The following BHLHE41 variants were observed in gnomAD, a reference collection of about 807,000 sequenced individuals.
BHLHE41 encodes the protein class E basic helix-loop-helix protein 41.
A neutral mutation model predicts 24.0 loss-of-function variants in BHLHE41; 14 were observed. The observed-to-expected ratio is 0.58, with a 90% confidence interval of 0.39 to 0.91. The LOEUF is 0.91. BHLHE41 is among the 40% of genes least tolerant of loss of function. The pLI is 0.00. For synonymous variants in BHLHE41, 394 were observed against 315.5 expected (o/e 1.25, Z -2.64); for missense variants, 674 against 655.4 (o/e 1.03, Z -0.31).
Position 26,124,994 on chromosome 12 carries a change from G to C in BHLHE41, c.-215C>G. The C allele has an allele frequency of 1.6e-6, 1 of 635,904 alleles. No individual in the cohort carries two copies. The highest frequency in any genetic ancestry group is 2.9e-6 in the Non-Finnish European group (1 of 350,784). 39.4% of individuals were successfully genotyped at this position (635,904 alleles called of 1,614,324 possible). A position where few individuals can be genotyped will look rare whatever the true frequency, so the allele number is the denominator to read the frequency against. The stretch of plus-strand genomic sequence containing the variant: ...CGCACACACACGCACACTCGCGCCG[G>C]CCCCACTGCGCTGGTAGTTTGCTCT... On this transcript the variant is annotated 5_prime_UTR_variant, in exon 1 of 5. Transcript: ENST00000242728.
At position 26,124,944 on chromosome 12, in the gene BHLHE41, C is replaced by G. The variant is rs1252779995; in HGVS notation, c.-165G>C. On this transcript the variant is annotated 5_prime_UTR_variant, in exon 1 of 5. Coordinates refer to ENST00000242728, the MANE Select transcript of BHLHE41 (RefSeq NM_030762.3). ...AAAGTGTGAAGCAGTTGGTCCCCCC[C>G]CTCCACCGCGCTCGCACACACACAC... 1.2e-5 allele frequency: 9 copies of G among 733,600 alleles called. No homozygotes were observed. Among genetic ancestry groups the G allele is most frequent in the Admixed American group, 2.0e-5 (1 of 50,390 alleles). 45.4% of individuals were successfully genotyped at this position (733,600 alleles called of 1,614,324 possible).
Position 26,124,060 on chromosome 12 carries a change from T to C in BHLHE41, c.234+12A>G, listed in dbSNP as rs750255371. 2.6e-6 allele frequency: 4 copies of C among 1,547,364 alleles called. No homozygotes were observed. The African/African-American group carries it at 5.4e-5, about 21-fold the overall frequency. ...CTTGGAGAGCAGCAAAGAATGAAAA[T>C]GTGCATCTTACTGTCAATTTCAGAT... On this transcript the variant is annotated intron_variant, in intron 3 of 4. Coordinates refer to ENST00000242728, the MANE Select transcript of BHLHE41 (RefSeq NM_030762.3).
chr12:26,121,739 G>T lies in BHLHE41; in HGVS notation c.*327C>A. On this transcript the variant is annotated 3_prime_UTR_variant, in exon 5 of 5. Coordinates refer to ENST00000242728, the MANE Select transcript of BHLHE41 (RefSeq NM_030762.3). ...TAGGTTCCAATTTTAAGAGATAATGGAACATGGCCTAAAAGGGGGCAAAAT... is the reference window on the plus strand; with the variant it reads ...TAGGTTCCAATTTTAAGAGATAATGTAACATGGCCTAAAAGGGGGCAAAAT... 1 of 349,898 alleles carries T rather than the reference G, an allele frequency of 2.9e-6. No individual in the cohort carries two copies. The highest frequency in any genetic ancestry group is 5.3e-6 in the Non-Finnish European group (1 of 188,768). The allele number at this position is 349,898 out of a possible 1,614,324, so 21.7% of individuals were successfully genotyped here. A position where few individuals can be genotyped will look rare whatever the true frequency, so the allele number is the denominator to read the frequency against.
chr12:26,122,239 C>A lies in BHLHE41; in HGVS notation c.1276G>T (p.Ala426Ser). Residue 426 changes from alanine (A) to serine (S), a missense_variant, in exon 5 of 5, where the codon GCG becomes TCG. Physicochemically the swap from Ala to Ser is moderately conservative, Grantham distance 99. This residue lies in a region of BHLHE41 where 602 missense variants were observed against 570.8 expected (regional missense o/e 1.05). Coordinates refer to ENST00000242728, the MANE Select transcript of BHLHE41 (RefSeq NM_030762.3). ...SSVLSPPPEK[A>S]GAAAATLLPH... is the part of the protein sequence containing the mutation. ...AGGAGGGTCGCGGCGGCGGCGCCCG[C>A]CTTCTCGGGAGGGGGCGACAACACC... The A allele has an allele frequency of 7.8e-7, 1 of 1,281,248 alleles. No individual in the cohort carries two copies. Among genetic ancestry groups the A allele is most frequent in the Non-Finnish European group, 9.8e-7 (1 of 1,016,412 alleles). The allele number at this position is 1,281,248 out of a possible 1,614,324, so 79.4% of individuals were successfully genotyped here. A position where few individuals can be genotyped will look rare whatever the true frequency, so the allele number is the denominator to read the frequency against.
rs2137385662 is a variant in BHLHE41 at position 26,122,486 on chromosome 12, G to A, written c.1029C>T (p.Ala343=). The A allele has an allele frequency of 1.5e-6, 2 of 1,327,938 alleles. No homozygotes were observed. Among genetic ancestry groups the A allele is most frequent in the Non-Finnish European group, 1.9e-6 (2 of 1,029,268 alleles). The allele number at this position is 1,327,938 out of a possible 1,614,324, so 82.3% of individuals were successfully genotyped here. A position where few individuals can be genotyped will look rare whatever the true frequency, so the allele number is the denominator to read the frequency against. The change falls in exon 5 of 5, where the codon GCC becomes GCT. Residue 343 remains alanine (A), a synonymous_variant. Coordinates refer to ENST00000242728, the MANE Select transcript of BHLHE41 (RefSeq NM_030762.3). ...AGAAGGGCAGGCAGAAGGGGGCCGC[G>A]GCGGCCGCGGGCTGCGGGAAGGGCG... ...GGAPFPQPAA[A]AAPFCLPFCF... is the part of the protein sequence containing the mutation.
In BHLHE41 at chr12:26,122,365, G is replaced by A; in HGVS notation, c.1150C>T (p.Pro384Ser). 5.0e-6 allele frequency: 6 copies of A among 1,195,978 alleles called. No individual in the cohort carries two copies. Among genetic ancestry groups the A allele is most frequent in the Non-Finnish European group, 6.2e-6 (6 of 963,158 alleles). 74.1% of individuals were successfully genotyped at this position (1,195,978 alleles called of 1,614,324 possible). Residue 384 changes from proline to serine, a missense_variant, in exon 5 of 5, where the codon CCG (proline) becomes TCG (serine). Around this residue, in one of 3 missense-constraint regions of BHLHE41, gnomAD observed 602 missense variants for 570.8 expected, o/e 1.05. Transcript: ENST00000242728. The part of the protein sequence containing the change: ...KYLYPAAAAA[P>S]FPLLYPGIPA... The stretch of plus-strand genomic sequence containing the variant: ...ATGCCGGGGTATAGCAGCGGGAACG[G>A]GGCGGCAGCCGCCGCCGGGTACAGA...
chr12:26,124,628 C>G, intron 1 of BHLHE41, 46 bp from the exon 2 acceptor site: 1 of 1,611,774 alleles, frequency 6.2e-7, no homozygotes, highest in Non-Finnish European at 8.5e-7. Context: ...GGGAGGGGCT[C>G]TGCCCTCGCC....
chr12:26,121,952 C>T lies in BHLHE41; in HGVS notation c.*114G>A, dbSNP rs1006488513. On this transcript the variant is annotated 3_prime_UTR_variant, in exon 5 of 5. Transcript: ENST00000242728. ...TTATGCCTGTCGTGCATCTATTACA[C>T]TTCCTCCCTTAAAGACCTTAAGGGT... 1.7e-4 allele frequency: 260 copies of T among 1,536,716 alleles called. No homozygotes were observed. The highest frequency in any genetic ancestry group is 4.6e-5 in the Non-Finnish European group (53 of 1,140,026).
chr12:26,122,598 C>G lies in BHLHE41; in HGVS notation c.917G>C (p.Gly306Ala). 1 of 1,120,746 alleles carries G rather than the reference C, an allele frequency of 8.9e-7. No homozygotes were observed. The highest frequency in any genetic ancestry group is 1.1e-6 in the Non-Finnish European group (1 of 922,058). 69.4% of individuals were successfully genotyped at this position (1,120,746 alleles called of 1,614,324 possible). A position where few individuals can be genotyped will look rare whatever the true frequency, so the allele number is the denominator to read the frequency against. ...GAAAAAAALL[G>A]PDPAAAAALL... ...CGCGGCCGCGGCGGCAGGGTCGGGC[C>G]CCAGAAGCGCGGCTGCCGCCGCCGC... Residue 306 changes from glycine (G) to alanine (A), a missense_variant, in exon 5 of 5, where the codon GGG (glycine) becomes GCG (alanine). By Grantham distance (60) the Gly-to-Ala change is moderately conservative (BLOSUM62 0). Around this residue, in one of 3 missense-constraint regions of BHLHE41, gnomAD observed 602 missense variants for 570.8 expected, o/e 1.05. Transcript: ENST00000242728.
chr12:26,122,420 G>A lies in BHLHE41; in HGVS notation c.1095C>T (p.Pro365=), dbSNP rs1279781601. Residue 365 remains proline (P), a synonymous_variant, in exon 5 of 5, where the codon CCC becomes CCT. Coordinates refer to ENST00000242728, the MANE Select transcript of BHLHE41 (RefSeq NM_030762.3). The part of the protein sequence containing the change: ...SPSAAAAYVQ[P]FLDKSGLEKY... ...TCTCCAGGCCGCTCTTGTCCAGGAA[G>A]GGCTGCACGTAGGCGGCAGCTGCAG... The A allele has an allele frequency of 1.3e-5, 18 of 1,341,100 alleles. No individual in the cohort carries two copies. The highest frequency in any genetic ancestry group is 1.6e-5 in the Non-Finnish European group (17 of 1,036,172). The allele number at this position is 1,341,100 out of a possible 1,614,324, so 83.1% of individuals were successfully genotyped here. A position where few individuals can be genotyped will look rare whatever the true frequency, so the allele number is the denominator to read the frequency against.
At position 26,122,875 on chromosome 12, in the gene BHLHE41, G is replaced by A; in HGVS notation, c.640C>T (p.Leu214Phe). 6.4e-7 allele frequency: 1 copy of A among 1,557,442 alleles called. No homozygotes were observed. Among genetic ancestry groups the A allele is most frequent in the Non-Finnish European group, 8.7e-7 (1 of 1,151,904 alleles). Reference sequence around the variant, plus strand: ...TGGATGACGGGCACGCAGTAGGCGAGGGGCTCCAGCTTCTGCCCCGCGCGC... The same window carrying A: ...TGGATGACGGGCACGCAGTAGGCGAAGGGCTCCAGCTTCTGCCCCGCGCGC... ...LERAGQKLEP[L>F]AYCVPVIQRT... Residue 214 changes from leucine (L) to phenylalanine (F), a missense_variant, in exon 5 of 5, where the codon CTC (leucine) becomes TTC (phenylalanine). Leu to Phe is a conservative substitution (Grantham distance 22). This residue lies in a region of BHLHE41 where 602 missense variants were observed against 570.8 expected (regional missense o/e 1.05). Coordinates refer to ENST00000242728, the MANE Select transcript of BHLHE41 (RefSeq NM_030762.3).
Position 26,123,014 on chromosome 12 carries a change from G to C in BHLHE41, c.501C>G (p.His167Gln). 2 of 1,570,596 alleles carry C rather than the reference G, an allele frequency of 1.3e-6. No homozygotes were observed. Among genetic ancestry groups the C allele is most frequent in the Non-Finnish European group, 1.7e-6 (2 of 1,157,260 alleles). Residue 167 changes from histidine to glutamine, a missense_variant, in exon 5 of 5, where the codon CAC (histidine) becomes CAG (glutamine). Transcript: ENST00000242728. ...TGGGCAAGAACTGGGTGGCCACGGC[G>C]TGCAAGTGGTTGATCAGCTGGACAC... Reference protein sequence around the residue: ...PRCVQLINHLHAVATQFLPTP... With the variant: ...PRCVQLINHLQAVATQFLPTP...
rs1469279186 is a variant in BHLHE41, at chr12:26,120,478, A to T, written c.*1588T>A. On this transcript the variant is annotated 3_prime_UTR_variant, in exon 5 of 5. Coordinates refer to ENST00000242728, the MANE Select transcript of BHLHE41 (RefSeq NM_030762.3). ...AAGACAGCATAAGCTTGTACCAAGC[A>T]TAAGCATTGTAACAAAAGTGCAACT... 1 of 151,722 alleles carries T rather than the reference A, an allele frequency of 6.6e-6. No individual in the cohort carries two copies. Among genetic ancestry groups the T allele is most frequent in the Admixed American group, 6.6e-5 (1 of 15,256 alleles). 9.4% of individuals were successfully genotyped at this position (151,722 alleles called of 1,614,324 possible).
rs1021476101 is a variant in BHLHE41, at chr12:26,120,033, G to A, written c.*2033C>T. ...ATAAACAAACCACACAAGTTAATTG[G>A]TAGGTTTTTCTTTTGCACTTTTCAT... On this transcript the variant is annotated 3_prime_UTR_variant, in exon 5 of 5. Transcript: ENST00000242728. The A allele has an allele frequency of 1.3e-5, 2 of 152,154 alleles. No individual in the cohort carries two copies. The highest frequency in any genetic ancestry group is 1.3e-4 in the Admixed American group (2 of 15,282). 9.4% of individuals were successfully genotyped at this position (152,154 alleles called of 1,614,324 possible). A position where few individuals can be genotyped will look rare whatever the true frequency, so the allele number is the denominator to read the frequency against.
At position 26,122,282 on chromosome 12, in the gene BHLHE41, C is replaced by A; in HGVS notation, c.1233G>T (p.Ala411=). The A allele has an allele frequency of 8.3e-7, 1 of 1,202,354 alleles. No individual in the cohort carries two copies. The highest frequency in any genetic ancestry group is 3.5e-5 in the East Asian group (1 of 28,564). 74.5% of individuals were successfully genotyped at this position (1,202,354 alleles called of 1,614,324 possible). The change falls in exon 5 of 5, where the codon GCG becomes GCT. Residue 411 remains alanine, a synonymous_variant. Coordinates refer to ENST00000242728, the MANE Select transcript of BHLHE41 (RefSeq NM_030762.3). ...AAAAAAAAAA[A]FPCLSSVLSP... ...ACAACACCGAGGACAGGCAGGGGAA[C>A]GCGGCGGCGGCGGCGGCAGCGGCGG...
rs558173674 is a variant in BHLHE41, at chr12:26,122,141, G to A, written c.1374C>T (p.Ala458=). 635 of 1,548,564 alleles carry A rather than the reference G, an allele frequency of 4.1e-4. No individual in the cohort carries two copies. Among genetic ancestry groups the A allele is most frequent in the Non-Finnish European group, 4.8e-4 (552 of 1,146,252 alleles). ...CCGGGTTCCCCGGCTCGCGGGGCCC[G>A]GCGAAGGGCAGGTGGGTGCGGCCGT... ...HPHGRTHLPF[A]GPREPGNPES... The change falls in exon 5 of 5, where the codon GCC becomes GCT. Residue 458 remains alanine (A), a synonymous_variant. Coordinates refer to ENST00000242728, the MANE Select transcript of BHLHE41 (RefSeq NM_030762.3).
rs1944307419 is a variant in BHLHE41, at chr12:26,121,790, CCA to C, written c.*274_*275del. On this transcript the variant is annotated 3_prime_UTR_variant, in exon 5 of 5. Transcript: ENST00000242728. ...TTATTTGGGGGATTAAAAAAAAGAG[CCA>C]GTGTCTTTCGCATAGGATCTTTTAC... 3.3e-6 allele frequency: 2 copies of C among 611,560 alleles called. No individual in the cohort carries two copies. The highest frequency in any genetic ancestry group is 4.9e-6 in the Non-Finnish European group (2 of 406,810). 37.9% of individuals were successfully genotyped at this position (611,560 alleles called of 1,614,324 possible). A position where few individuals can be genotyped will look rare whatever the true frequency, so the allele number is the denominator to read the frequency against.
In BHLHE41 at chr12:26,124,879, T is replaced by C. The variant is rs1258364944; in HGVS notation, c.-100A>G. 1.7e-6 allele frequency: 2 copies of C among 1,158,476 alleles called. No homozygotes were observed. Among genetic ancestry groups the C allele is most frequent in the Non-Finnish European group, 2.6e-6 (2 of 772,266 alleles). 71.8% of individuals were successfully genotyped at this position (1,158,476 alleles called of 1,614,324 possible). A position where few individuals can be genotyped will look rare whatever the true frequency, so the allele number is the denominator to read the frequency against. The stretch of plus-strand genomic sequence containing the variant: ...GAGACCTTGGGGGGATCTGTGCGTC[T>C]CCAGTCTCTCTCTCGCTCTCCCTCT... On this transcript the variant is annotated 5_prime_UTR_variant, in exon 1 of 5. Coordinates refer to ENST00000242728, the MANE Select transcript of BHLHE41 (RefSeq NM_030762.3).
At position 26,122,621 on chromosome 12, in the gene BHLHE41, C is replaced by T. The variant is rs1944321294; in HGVS notation, c.894G>A (p.Ala298=). 8.5e-7 allele frequency: 1 copy of T among 1,174,044 alleles called. No homozygotes were observed. The allele number at this position is 1,174,044 out of a possible 1,614,324, so 72.7% of individuals were successfully genotyped here. ...GCCCCAGAAGCGCGGCTGCCGCCGC[C>T]GCCGCGCCGCCCCCCGGGCCGCCGC... ...GSGGGPGGGA[A]AAAAALLGPD... The change falls in exon 5 of 5, where the codon GCG becomes GCA. Residue 298 remains alanine, a synonymous_variant. Transcript: ENST00000242728.
Sources: gnomAD v4.1 joint callset for allele counts on GRCh38, gnomAD v4.1.1 for gene constraint, gnomAD v4.1.1 regional missense constraint, MANE v1.5 for transcripts, NCBI Gene and HGNC (gene_info 2026-07-23, HGNC 2026-07-21) for gene names.